Variants in GADL1 observed in about 807,000 individuals in gnomAD.
GADL1 encodes acidic amino acid decarboxylase GADL1.
GADL1 carries 71 observed loss-of-function variants against 69.5 expected under a neutral mutation model. The observed-to-expected ratio is 1.02, with a 90% CI of 0.84 to 1.25. The LOEUF is 1.25. GADL1 is among the 50% of genes most tolerant of loss of function. The pLI is 0.00. For synonymous variants in GADL1, 254 were observed against 214.4 expected (o/e 1.18, Z -1.62); for missense variants, 737 against 631.8 (o/e 1.17, Z -1.79).
chr3:30,843,581 G>A (rs1196795582), intron 8 of GADL1, among the ~76,000 whole-genome samples: 2 of 152,178 alleles, frequency 1.3e-5, no homozygotes, highest in African/African-American at 4.8e-5. Context: ...TTAAAATGCA[G>A]GTGTTAAGGC....
chr3:30,733,014 C>G (rs993150404), intron 14 of GADL1, among the ~76,000 whole-genome samples: 2 of 151,870 alleles, frequency 1.3e-5, no homozygotes, highest in Admixed American at 1.3e-4. Flanking sequence ...CATTCCAACC[C>G]GGGTGATGGA....
rs552409364 is a variant in GADL1 at position 30,833,751 on chromosome 3, C to T, written c.1050+102G>A. 4.2e-5 allele frequency: 31 copies of T among 740,638 alleles called. 1 individual carries two copies. The highest frequency in any genetic ancestry group is 7.7e-5 in the South Asian group (5 of 64,920). The allele number at this position is 740,638 out of a possible 1,614,324, so 45.9% of individuals were successfully genotyped here. A position where few individuals can be genotyped will look rare whatever the true frequency, so the allele number is the denominator to read the frequency against. On this transcript the variant is annotated intron_variant, in intron 11 of 14. Transcript: ENST00000282538. ...ACATTTCCCAAACACCTTCAATTTA[C>T]GCCTCGCCCAAGTCACCAAGAGATG...
At chr3:30,878,267 A>T (rs2125543848) in intron 1 of GADL1, among the ~76,000 whole-genome samples, 1 of 152,050 alleles carries the variant, frequency 6.6e-6, no homozygotes, top group East Asian at 1.9e-4. Context: ...TATTTACGTA[A>T]CTAACAAAGA....
chr3:30,828,018 G>A (rs1053071303), intron 11 of GADL1, among the ~76,000 whole-genome samples: 1 of 151,964 alleles, frequency 6.6e-6, no homozygotes, highest in African/African-American at 2.4e-5. Context: ...AAAAGTGTGA[G>A]TGTTCCCTGG....
chr3:30,836,881 A>G (rs1299376295), intron 9 of GADL1, among the ~76,000 whole-genome samples: 1 of 152,122 alleles, frequency 6.6e-6, no homozygotes, highest in Non-Finnish European at 1.5e-5. Flanking sequence ...AGAGAACAGT[A>G]CTGGAGTGAA....
At chr3:30,775,238 G>A (rs1258832727) in intron 14 of GADL1, among the ~76,000 whole-genome samples, 1 of 152,124 alleles carries the variant, frequency 6.6e-6, no homozygotes, top group African/African-American at 2.4e-5. Context: ...CTCCCCTTCT[G>A]CCGCCAAATG....
chr3:30,761,280 G>C (rs1207882562), intron 14 of GADL1, among the ~76,000 whole-genome samples: 1 of 127,614 alleles, frequency 7.8e-6, no homozygotes, highest in Admixed American at 8.2e-5. Context: ...AAGACAGCTA[G>C]AGCCTCTCAG....
At chr3:30,766,833 T>TTC (rs1329686611) in intron 14 of GADL1, among the ~76,000 whole-genome samples, 1 of 131,296 alleles carries the variant, frequency 7.6e-6, no homozygotes, top group African/African-American at 2.9e-5. Flanking sequence ...ATCATAGACT[T>TTC]TCCTATGGGA....
At chr3:30,782,242 G>T (rs1235505242) in intron 13 of GADL1, among the ~76,000 whole-genome samples, 1 of 152,148 alleles carries the variant, frequency 6.6e-6, no homozygotes, top group Non-Finnish European at 1.5e-5. Context: ...TTGAAAAGCT[G>T]CTCTAGCAGC....
intron 12 of GADL1, chr3:30,799,068 T>C: frequency 6.6e-6 from 1 of 152,324 alleles, no homozygotes; most frequent in East Asian, 1.9e-4. Context: ...GTGTAAGCTG[T>C]CAGTGGACCT....
intron 14 of GADL1, among the ~76,000 whole-genome samples, chr3:30,773,076 G>A (rs189544160): frequency 6.6e-6 from 1 of 152,140 alleles, no homozygotes; most frequent in Admixed American, 6.5e-5. Context: ...CACATCATGA[G>A]AAAATAGTTT....
intron 8 of GADL1, among the ~76,000 whole-genome samples, chr3:30,841,237 A>G (rs2125527214): frequency 6.6e-6 from 1 of 152,344 alleles, no homozygotes; most frequent in Non-Finnish European, 1.5e-5. Context: ...AGGCTCAAGT[A>G]TTAGCTGACT....
intron 14 of GADL1, among the ~76,000 whole-genome samples, chr3:30,739,273 A>G (rs1695581936): frequency 6.6e-6 from 1 of 152,144 alleles, no homozygotes; most frequent in Non-Finnish European, 1.5e-5. Context: ...CAGGCTGCCG[A>G]GACATTCCAA....
chr3:30,762,851 TTTC>T lies in GADL1; in HGVS notation c.1392+15325_1392+15327del, dbSNP rs1163867091. ...GAAAACATGTGATGTTAGTCTTTCT[TTTC>T]CTTGCTTTATTTCACTTAACATTAC... On this transcript the variant is annotated intron_variant, in intron 14 of 14. Coordinates refer to ENST00000282538, the MANE Select transcript of GADL1 (RefSeq NM_207359.3). 6.4e-3 allele frequency among the ~76,000 whole-genome samples: 944 copies of T among 148,128 alleles called. 8 individuals carry two copies. The highest frequency in any genetic ancestry group is 0.023 in the African/African-American group (910 of 40,162).
chr3:30,765,645 C>T (rs370323841), intron 14 of GADL1, among the ~76,000 whole-genome samples: 12 of 152,278 alleles, frequency 7.9e-5, no homozygotes, highest in East Asian at 1.9e-4. Context: ...CATCTTAAAA[C>T]TCTGGGTAAT....
chr3:30,784,842 C>T (rs1214751647), intron 13 of GADL1, among the ~76,000 whole-genome samples: 1 of 152,198 alleles, frequency 6.6e-6, no homozygotes, highest in Non-Finnish European at 1.5e-5. Context: ...CTGACCACCA[C>T]CTGCTCTGGT....
chr3:30,762,843 GTCTT>G (rs66768346), intron 14 of GADL1, among the ~76,000 whole-genome samples: 66,473 of 150,574 alleles, frequency 0.44, 14,538 homozygotes, highest in African/African-American at 0.46. Context: ...TGTGATGTTA[GTCTT>G]TCTTTTCCTT....
chr3:30,796,215 T>G (rs577001070), intron 12 of GADL1, among the ~76,000 whole-genome samples: 1 of 152,184 alleles, frequency 6.6e-6, no homozygotes, highest in African/African-American at 2.4e-5. Context: ...CTACCCCATT[T>G]AAATAGTGCA....
chr3:30,768,558 AGAAGGGGT>A (rs1696341779), intron 14 of GADL1, among the ~76,000 whole-genome samples: 1 of 79,398 alleles, frequency 1.3e-5, no homozygotes, highest in Non-Finnish European at 3.1e-5. Flanking sequence ...AGGGGGAGAG[AGAAGGGGT>A]GGGGAGGGGG....
Sources: gnomAD v4.1 joint callset for allele counts (sites outside exome capture counted in the v4.1 genomes callset) on GRCh38, gnomAD v4.1.1 for gene constraint, MANE v1.5 for transcripts, NCBI Gene and HGNC (gene_info 2026-07-23, HGNC 2026-07-21) for gene names.